Variants in ODF2L observed in about 807,000 individuals in gnomAD.
ODF2L encodes protein BCAP.
ODF2L carries 76 observed loss-of-function variants against 86.3 expected under a neutral mutation model. The ratio of observed to expected loss-of-function variants is 0.88; its 90% CI spans 0.73 to 1.07. ODF2L has a LOEUF of 1.07. Ranked by LOEUF, ODF2L falls within the 50% of genes least tolerant of loss-of-function variation. The pLI, the probability that ODF2L is intolerant of heterozygous loss-of-function variation, is 0.00. For synonymous variants in ODF2L, 241 were observed against 231.3 expected (o/e 1.04, Z -0.38); for missense variants, 748 against 717.4 (o/e 1.04, Z -0.49).
At chr1:86,357,516 G>A (rs1464033031) in intron 13 of ODF2L, 8 of 165,420 alleles carry the variant, frequency 4.8e-5, no homozygotes, top group African/African-American at 1.5e-4. Context: ...TGCTTACTAC[G>A]TGCTAGGCAT....
At chr1:86,351,714 C>T (rs7515651) in exon 18 of ODF2L, 57,288 of 177,014 alleles carry the variant, frequency 0.32, 9,365 homozygotes, top group East Asian at 0.41. Flanking sequence ...CTTGTTTCAT[C>T]TTATTCATAA....
At chr1:86,382,839 T>C (rs897783888) in intron 6 of ODF2L, 92 bp downstream of exon 6, 19 of 712,316 alleles carry the variant, frequency 2.7e-5, no homozygotes, top group Non-Finnish European at 4.3e-5. Context: ...CTTTTCTGTG[T>C]TTATTTCTGA....
At chr1:86,354,068 C>T (rs955289865) in intron 16 of ODF2L, among the ~76,000 whole-genome samples, 1 of 152,220 alleles carries the variant, frequency 6.6e-6, no homozygotes, top group Non-Finnish European at 1.5e-5. Context: ...ATCTTTGCAT[C>T]TCAAGCACTA....
chr1:86,386,912 T>G lies in ODF2L; in HGVS notation c.113+3A>C, dbSNP rs762064419. ...AGATTTCCCCTGATACTGATGAGAA[T>G]ACCAGCTGAGATGACTTTCACTGGT... is the stretch of plus-strand genomic sequence containing the variant. On this transcript the variant is annotated splice_donor_region_variant and intron_variant, in intron 2 of 17. Coordinates refer to ENST00000317336, the Ensembl canonical transcript of ODF2L. 21 of 1,448,302 alleles carry G rather than the reference T, an allele frequency of 1.4e-5. No individual in the cohort carries two copies. The highest frequency in any genetic ancestry group is 1.9e-5 in the Non-Finnish European group (20 of 1,033,604). 89.7% of individuals were successfully genotyped at this position (1,448,302 alleles called of 1,614,324 possible).
intron 16 of ODF2L, 151 bp downstream of exon 15, chr1:86,354,379 T>C (rs1658375518): frequency 3.5e-6 from 2 of 566,188 alleles, no homozygotes; most frequent in Non-Finnish European, 3.1e-6. Flanking sequence ...TCTGTTTTGC[T>C]TGAAAAGGAA....
rs957311566 is a variant in ODF2L at position 86,389,600 on chromosome 1, A to G, written c.-59-2514T>C. Among the ~76,000 whole-genome samples the G allele has an allele frequency of 7.9e-5, 12 of 151,628 alleles. 1 individual carries two copies. The South Asian group carries it at 2.5e-3, about 32-fold the overall frequency. On this transcript the variant is annotated intron_variant, in intron 1 of 17. Coordinates refer to ENST00000317336, the Ensembl canonical transcript of ODF2L. ...AAAATACAAAAGATAAATGAAACAAAAAGCTGGTCCTTTGAAAAGATAAAT... is the reference window on the plus strand; with the variant it reads ...AAAATACAAAAGATAAATGAAACAAGAAGCTGGTCCTTTGAAAAGATAAAT...
chr1:86,348,398 T>C (rs1329542113), downstream of ODF2L: 1 of 151,608 alleles, frequency 6.6e-6, no homozygotes, highest in Non-Finnish European at 1.5e-5. Flanking sequence ...TTTAAAATCA[T>C]ATTGACCAAG....
At chr1:86,374,015 G>A (rs546453542) in intron 8 of ODF2L, among the ~76,000 whole-genome samples, 57 of 152,200 alleles carry the variant, frequency 3.7e-4, no homozygotes, top group Middle Eastern at 3.4e-3. Context: ...CTGTGCCTCC[G>A]CTCTACATTC....
intron 1 of ODF2L, among the ~76,000 whole-genome samples, chr1:86,393,054 T>C (rs1334039056): frequency 2.0e-5 from 3 of 152,156 alleles, no homozygotes; most frequent in African/African-American, 7.2e-5. Context: ...TCAGGGACCA[T>C]GATGCTAGCC....
At chr1:86,393,822 T>TA (rs1463864461) in intron 1 of ODF2L, among the ~76,000 whole-genome samples, 1 of 152,208 alleles carries the variant, frequency 6.6e-6, no homozygotes, top group Non-Finnish European at 1.5e-5. Context: ...CTCTCTGCCC[T>TA]AAAAAATTAC....
chr1:86,370,471 A>G (rs775142023), intron 10 of ODF2L, among the ~76,000 whole-genome samples: 1 of 152,138 alleles, frequency 6.6e-6, no homozygotes, highest in Non-Finnish European at 1.5e-5. Context: ...TCTGTCCTCT[A>G]AAAGTATTAT....
At chr1:86,391,674 C>T (rs918764108) in intron 1 of ODF2L, among the ~76,000 whole-genome samples, 32 of 152,230 alleles carry the variant, frequency 2.1e-4, no homozygotes, top group East Asian at 7.7e-4. Flanking sequence ...CAAAAATCAA[C>T]GCAAGATGGA....
At chr1:86,356,940 T>A (rs571691681) in intron 13 of ODF2L, among the ~76,000 whole-genome samples, 1 of 152,312 alleles carries the variant, frequency 6.6e-6, no homozygotes, top group East Asian at 1.9e-4. Flanking sequence ...AAAGCCGTAA[T>A]TGTCTACTGC....
intron 1 of ODF2L, among the ~76,000 whole-genome samples, chr1:86,388,347 T>G (rs1306874003): frequency 2.6e-5 from 4 of 152,118 alleles, no homozygotes; most frequent in Non-Finnish European, 5.9e-5. Flanking sequence ...ATCTACTAAT[T>G]CATTCAGTTG....
intron 7 of ODF2L, among the ~76,000 whole-genome samples, chr1:86,377,216 A>G (rs967635988): frequency 2.0e-5 from 3 of 152,058 alleles, no homozygotes; most frequent in African/African-American, 7.2e-5. Flanking sequence ...CTCCTAAATA[A>G]TCTCCCTTGA....
At chr1:86,366,617 G>A (rs1315768232) in intron 11 of ODF2L, among the ~76,000 whole-genome samples, 2 of 107,482 alleles carry the variant, frequency 1.9e-5, no homozygotes, top group African/African-American at 3.3e-5. Context: ...AAAAAAAAAA[G>A]TGCCAATTGG....
chr1:86,377,047 A>G (rs952550947), intron 7 of ODF2L, among the ~76,000 whole-genome samples: 3 of 152,204 alleles, frequency 2.0e-5, no homozygotes, highest in African/African-American at 7.2e-5. Context: ...CCTAGGAGCC[A>G]GTAAAATAAA....
At chr1:86,352,131 A>G in exon 18 of ODF2L, 1 of 1,479,392 alleles carries the variant, frequency 6.8e-7, no homozygotes, top group Non-Finnish European at 8.9e-7. Flanking sequence ...AAAATCATTT[A>G]ACTCTTGAAT....
chr1:86,361,991 G>C (rs1659070772), intron 11 of ODF2L, among the ~76,000 whole-genome samples: 1 of 152,196 alleles, frequency 6.6e-6, no homozygotes, highest in Non-Finnish European at 1.5e-5. Flanking sequence ...TGACATGTGG[G>C]CGAAGGCCTC....
Sources: allele counts gnomAD v4.1 joint callset (sites outside exome capture counted in the v4.1 genomes callset), GRCh38; gene constraint gnomAD v4.1.1; transcripts MANE v1.5; gene names NCBI Gene and HGNC (gene_info 2026-07-23, HGNC 2026-07-21).